ANKRD24: variants seen among roughly 807,000 people sequenced by gnomAD.
ANKRD24 encodes the protein ankyrin repeat domain-containing protein 24.
ANKRD24 carries 109 observed loss-of-function variants against 127.8 expected under a neutral mutation model. The ratio of observed to expected loss-of-function variants is 0.85; its 90% CI spans 0.73 to 1.00. ANKRD24 has a LOEUF of 1.00. Ranked by LOEUF, ANKRD24 falls within the 50% of genes least tolerant of loss-of-function variation. The pLI, the probability that ANKRD24 is intolerant of heterozygous loss-of-function variation, is 0.00. For synonymous variants in ANKRD24, 743 were observed against 671.1 expected (o/e 1.11, Z -1.66); for missense variants, 1,648 against 1,570.2 (o/e 1.05, Z -0.84).
At chr19:4,218,386 T>C (rs1970252384) in intron 18 of ANKRD24, among the ~76,000 whole-genome samples, 1 of 151,508 alleles carries the variant, frequency 6.6e-6, no homozygotes, top group Non-Finnish European at 1.5e-5. Context: ...TGCAACCTCC[T>C]CTTTCCCGGT....
intron 2 of ANKRD24, 147 bp downstream of exon 2, chr19:4,186,608 C>T (rs1968079204): frequency 2.2e-6 from 2 of 908,886 alleles, no homozygotes; most frequent in Middle Eastern, 2.3e-4. Context: ...GACCTCCCCA[C>T]TGCTCCCCGT....
At chr19:4,197,737 A>G (rs1358297141) in intron 2 of ANKRD24, among the ~76,000 whole-genome samples, 1 of 152,200 alleles carries the variant, frequency 6.6e-6, no homozygotes, top group Non-Finnish European at 1.5e-5. Context: ...GAGCGAATAA[A>G]CAAATGGGTG....
chr19:4,216,969 G>T lies in ANKRD24; in HGVS notation c.1809G>T (p.Gly603=). Residue 603 remains glycine (G), a synonymous_variant, in exon 18 of 22, where the codon GGG becomes GGT. Coordinates refer to ENST00000318934, the MANE Select transcript of ANKRD24 (RefSeq NM_001393985.1). ...GAKVTETKPT[G]AEVREMETTE... ...AGGTCACAGAAACAAAACCCACAGGGGCTGAGGTCAGAGAAATGGAGACCA... is the reference window on the plus strand; with the variant it reads ...AGGTCACAGAAACAAAACCCACAGGTGCTGAGGTCAGAGAAATGGAGACCA... 1 of 1,612,694 alleles carries T rather than the reference G, an allele frequency of 6.2e-7. No individual in the cohort carries two copies. Among genetic ancestry groups the T allele is most frequent in the Non-Finnish European group, 8.5e-7 (1 of 1,179,436 alleles).
chr19:4,220,231 C>T (rs1022231196), intron 19 of ANKRD24, among the ~76,000 whole-genome samples: 2 of 152,200 alleles, frequency 1.3e-5, no homozygotes, highest in African/African-American at 4.8e-5. Flanking sequence ...CCTCAGCCCC[C>T]AAAAGGGCTG....
rs749050206 is a variant in ANKRD24 at position 4,216,349 on chromosome 19, G to A, written c.1336G>A (p.Glu446Lys). The A allele has an allele frequency of 5.1e-6, 8 of 1,573,590 alleles. No individual in the cohort carries two copies. Among genetic ancestry groups the A allele is most frequent in the Non-Finnish European group, 4.3e-6 (5 of 1,159,754 alleles). ...CCAGGAACACCTGGCCTCGCTGCAGGAACAGGTGGCTGTGCTCACCAGACA... is the reference window on the plus strand; with the variant it reads ...CCAGGAACACCTGGCCTCGCTGCAGAAACAGGTGGCTGTGCTCACCAGACA... ...SAQEHLASLQEQVAVLTRQNQ... is the reference protein window; with the variant it reads ...SAQEHLASLQKQVAVLTRQNQ... Residue 446 changes from glutamate to lysine, a missense_variant, in exon 17 of 22, where the codon GAA (glutamate) becomes AAA (lysine). Transcript: ENST00000318934.
intron 7 of ANKRD24, among the ~76,000 whole-genome samples, chr19:4,204,602 G>A (rs902268473): frequency 2.4e-4 from 36 of 152,150 alleles, no homozygotes; most frequent in Admixed American, 2.3e-3. Flanking sequence ...GGGAGGGAAA[G>A]GGACCCACCG....
chr19:4,198,588 C>T lies in ANKRD24; in HGVS notation c.37-1095C>T, dbSNP rs998787585. On this transcript the variant is annotated intron_variant, in intron 2 of 21. Coordinates refer to ENST00000318934, the MANE Select transcript of ANKRD24 (RefSeq NM_001393985.1). The surrounding 1 kb of genome is among the most constrained non-coding windows in gnomAD (Gnocchi z 6.1). ...GCGGGGCGCGGGTACCTCCTCTCCCCTCCCTTCCCCGTCCCCGGCTGACCT... is the reference window on the plus strand; with the variant it reads ...GCGGGGCGCGGGTACCTCCTCTCCCTTCCCTTCCCCGTCCCCGGCTGACCT... The T allele has an allele frequency of 2.2e-6, 1 of 451,720 alleles. No homozygotes were observed. Among genetic ancestry groups the T allele is most frequent in the Non-Finnish European group, 3.9e-6 (1 of 255,064 alleles). 28.0% of individuals were successfully genotyped at this position (451,720 alleles called of 1,614,324 possible).
chr19:4,217,166 C>G lies in ANKRD24; in HGVS notation c.2006C>G (p.Thr669Ser). ...AGQAEPPVTG[T>S]TNMEATGSRA... Reference sequence around the variant, plus strand: ...CAAGCAGAGCCCCCAGTCACAGGGACCACAAACATGGAGGCCACGGGCTCT... The same window carrying G: ...CAAGCAGAGCCCCCAGTCACAGGGAGCACAAACATGGAGGCCACGGGCTCT... Residue 669 changes from threonine (T) to serine (S), a missense_variant, in exon 18 of 22, where the codon ACC (threonine) becomes AGC (serine). Coordinates refer to ENST00000318934, the MANE Select transcript of ANKRD24 (RefSeq NM_001393985.1). 1 of 1,613,010 alleles carries G rather than the reference C, an allele frequency of 6.2e-7. No homozygotes were observed. The highest frequency in any genetic ancestry group is 8.5e-7 in the Non-Finnish European group (1 of 1,179,550).
At position 4,198,480 on chromosome 19, in the gene ANKRD24, G is replaced by A. The variant is rs1568320908; in HGVS notation, c.37-1203G>A. On this transcript the variant is annotated intron_variant, in intron 2 of 21. Coordinates refer to ENST00000318934, the MANE Select transcript of ANKRD24 (RefSeq NM_001393985.1). This position sits in a 1 kb window ranked among gnomAD's most constrained non-coding sequence, Gnocchi z 6.1. Reference sequence around the variant, plus strand: ...GAACCCCGTGCGCCCCCCGCGCCCCGCGCCCCGGACGCCATGAAGCAGCTG... The same window carrying A: ...GAACCCCGTGCGCCCCCCGCGCCCCACGCCCCGGACGCCATGAAGCAGCTG... The A allele has an allele frequency of 4.8e-6, 3 of 618,616 alleles. No homozygotes were observed. The highest frequency in any genetic ancestry group is 3.4e-5 in the South Asian group (2 of 58,518). The allele number at this position is 618,616 out of a possible 1,614,324, so 38.3% of individuals were successfully genotyped here.
chr19:4,224,593 C>A lies in ANKRD24; in HGVS notation c.*88C>A. ...CCCCTTGCAGACCGGCTTCACTTGG[C>A]TTCACTTGGCCCTATCCAGGCCCAT... On this transcript the variant is annotated 3_prime_UTR_variant, in exon 22 of 22. Coordinates refer to ENST00000318934, the MANE Select transcript of ANKRD24 (RefSeq NM_001393985.1). The A allele has an allele frequency of 2.3e-6, 3 of 1,285,062 alleles. No homozygotes were observed. The South Asian group carries it at 3.8e-5, about 16-fold the overall frequency. The allele number at this position is 1,285,062 out of a possible 1,614,324, so 79.6% of individuals were successfully genotyped here.
rs776932397 is a variant in ANKRD24, at chr19:4,216,345, G to A, written c.1332G>A (p.Leu444=). 6.4e-7 allele frequency: 1 copy of A among 1,572,778 alleles called. No homozygotes were observed. Among genetic ancestry groups the A allele is most frequent in the Admixed American group, 1.9e-5 (1 of 53,586 alleles). ...SPSAQEHLAS[L]QEQVAVLTRQ... ...CGGCCCAGGAACACCTGGCCTCGCT[G>A]CAGGAACAGGTGGCTGTGCTCACCA... The change falls in exon 17 of 22, where the codon CTG becomes CTA. Residue 444 remains leucine (L), a synonymous_variant. Transcript: ENST00000318934.
chr19:4,223,898 C>T (rs1970597274), intron 20 of ANKRD24, among the ~76,000 whole-genome samples: 1 of 151,986 alleles, frequency 6.6e-6, no homozygotes, highest in Non-Finnish European at 1.5e-5. Context: ...GGGATTTTAC[C>T]ATGTTGGTCC....
rs767671250 is a variant in ANKRD24, at chr19:4,200,179, C to T, written c.343+8C>T. ...TGAGCGCGGACGGGGCAGGTACTGC[C>T]AGCTGGGCCCCGGGGAGGGAGGAGG... On this transcript the variant is annotated splice_region_variant and intron_variant, in intron 5 of 21. Transcript: ENST00000318934. The T allele has an allele frequency of 1.0e-5, 16 of 1,591,302 alleles. No homozygotes were observed. The highest frequency in any genetic ancestry group is 1.3e-5 in the Non-Finnish European group (15 of 1,170,284).
intron 7 of ANKRD24, among the ~76,000 whole-genome samples, chr19:4,205,484 A>C (rs891382073): frequency 1.3e-5 from 2 of 152,224 alleles, no homozygotes; most frequent in African/African-American, 4.8e-5. Context: ...TCAGCTGCAC[A>C]GCCTCCTGGG....
At chr19:4,185,150 G>T (rs1050814810) in intron 1 of ANKRD24, among the ~76,000 whole-genome samples, 6 of 151,612 alleles carry the variant, frequency 4.0e-5, no homozygotes, top group Non-Finnish European at 2.9e-5. Flanking sequence ...TTGGGTGGAT[G>T]GATGAAGGGA....
chr19:4,217,126 G>T lies in ANKRD24; in HGVS notation c.1966G>T (p.Gly656Ter). 2 of 1,613,786 alleles carry T rather than the reference G, an allele frequency of 1.2e-6. No homozygotes were observed. Among genetic ancestry groups the T allele is most frequent in the Non-Finnish European group, 1.7e-6 (2 of 1,179,848 alleles). ...KAEEAEMQAY[G>*]VGAGQAEPPV... ...AGAGGAAGCAGAAATGCAGGCCTAC[G>T]GAGTGGGTGCTGGGCAAGCAGAGCC... Residue 656 changes from glycine (G) to a stop codon, truncating the protein, a stop_gained, in exon 18 of 22, where the codon GGA (glycine) becomes TGA (stop). Transcript: ENST00000318934. LOFTEE classifies it high-confidence loss of function.
chr19:4,223,403 T>TATA (rs1599477868), intron 20 of ANKRD24, among the ~76,000 whole-genome samples: 34 of 76,624 alleles, frequency 4.4e-4, no homozygotes, highest in Middle Eastern at 7.8e-3. Flanking sequence ...ATATATATAT[T>TATA]TTTTTTTTTT....
At chr19:4,220,033 C>T (rs1227778100) in intron 19 of ANKRD24, among the ~76,000 whole-genome samples, 1 of 152,188 alleles carries the variant, frequency 6.6e-6, no homozygotes, top group Non-Finnish European at 1.5e-5. Context: ...GGCTGGAGTG[C>T]AGTGGCATGA....
intron 13 of ANKRD24, among the ~76,000 whole-genome samples, chr19:4,211,992 A>T (rs1054371142): frequency 2.6e-4 from 40 of 152,168 alleles, no homozygotes; most frequent in Admixed American, 2.0e-3. Context: ...CGAGGTCAGC[A>T]GATCGAGACC....
Sources: allele counts gnomAD v4.1 joint callset (sites outside exome capture counted in the v4.1 genomes callset), GRCh38; gene constraint gnomAD v4.1.1; non-coding constraint Gnocchi (gnomAD v3.1); transcripts MANE v1.5; gene names NCBI Gene and HGNC (gene_info 2026-07-23, HGNC 2026-07-21).